ZC3H12B: variants seen among roughly 807,000 people sequenced by gnomAD.
ZC3H12B encodes the protein zinc finger CCCH-type containing 12B.
In ZC3H12B, 7 loss-of-function variants were observed where a neutral mutation model predicts 43.9. That is an observed-to-expected ratio of 0.16 (90% CI 0.09 to 0.30). The LOEUF (loss-of-function observed/expected upper bound fraction) is 0.30, where lower values mean the gene tolerates loss of function less well. Ranked by LOEUF, ZC3H12B falls within the 10% of genes least tolerant of loss-of-function variation. ZC3H12B has a pLI of 1.00. For synonymous variants in ZC3H12B, 222 were observed against 241.7 expected (o/e 0.92, Z 0.76); for missense variants, 475 against 670.2 (o/e 0.71, Z 3.22).
the ZC3H12B span, among the ~76,000 whole-genome samples, chrX:65,326,512 A>G: frequency 9.1e-6 from 1 of 110,291 alleles, no homozygotes; most frequent in Non-Finnish European, 1.9e-5. Flanking sequence ...GGAATAGTAT[A>G]GGGTAGGGAC....
chrX:65,200,401 C>T, the ZC3H12B span, among the ~76,000 whole-genome samples: 25 of 93,766 alleles, frequency 2.7e-4, no homozygotes, highest in Non-Finnish European at 4.9e-4. Flanking sequence ...TGTAGGTTGT[C>T]TGTTCACTCT....
At chrX:65,056,496 T>A in the ZC3H12B span, among the ~76,000 whole-genome samples, 1 of 111,890 alleles carries the variant, frequency 8.9e-6, no homozygotes, top group African/African-American at 3.2e-5. Flanking sequence ...TGCTGAGGAA[T>A]GCTTTACTTC....
intron 3 of ZC3H12B, among the ~76,000 whole-genome samples, chrX:65,401,978 A>C (rs1171648957): frequency 9.0e-6 from 1 of 111,731 alleles, no homozygotes; most frequent in Non-Finnish European, 1.9e-5. Context: ...TATCAGCATG[A>C]CTATAGGAGG....
chrX:65,290,892 A>T, the ZC3H12B span, among the ~76,000 whole-genome samples: 15,567 of 110,398 alleles, frequency 0.14, 2,647 homozygotes, highest in African/African-American at 0.48. Context: ...GAAGTGTGTT[A>T]AAGGGTACAA....
At chrX:65,424,158 T>C (rs187923335) in intron 3 of ZC3H12B, among the ~76,000 whole-genome samples, 12 of 112,197 alleles carry the variant, frequency 1.1e-4, no homozygotes, top group Non-Finnish European at 2.1e-4. Context: ...TAACAGCCAT[T>C]CTGACTAATG....
At chrX:65,450,001 TG>T (rs1269622675) in intron 3 of ZC3H12B, among the ~76,000 whole-genome samples, 3 of 110,878 alleles carry the variant, frequency 2.7e-5, no homozygotes, top group African/African-American at 9.9e-5. Flanking sequence ...CAAAAGCTAT[TG>T]AAATAAAAAA....
chrX:65,253,489 C>T, the ZC3H12B span, among the ~76,000 whole-genome samples: 1 of 112,240 alleles, frequency 8.9e-6, no homozygotes, highest in Non-Finnish European at 1.9e-5. Flanking sequence ...GAACAACATC[C>T]GTGGTGAAGC....
chrX:65,069,815 G>T, the ZC3H12B span, among the ~76,000 whole-genome samples: 1 of 112,028 alleles, frequency 8.9e-6, no homozygotes, highest in Non-Finnish European at 1.9e-5. Context: ...GATCATGATG[G>T]ATTCGCTTTT....
the ZC3H12B span, among the ~76,000 whole-genome samples, chrX:65,096,730 A>G: frequency 8.9e-6 from 1 of 112,193 alleles, no homozygotes; most frequent in African/African-American, 3.2e-5. Context: ...CACAAGTGAG[A>G]CATTGAAGAG....
intron 2 of ZC3H12B, among the ~76,000 whole-genome samples, chrX:65,379,889 A>G (rs1278359154): frequency 8.9e-6 from 1 of 112,028 alleles, no homozygotes; most frequent in African/African-American, 3.2e-5. Flanking sequence ...AAATGAAGTG[A>G]GAAGGGAAAT....
At chrX:65,134,027 T>C in the ZC3H12B span, among the ~76,000 whole-genome samples, 3 of 110,831 alleles carry the variant, frequency 2.7e-5, no homozygotes, top group Admixed American at 9.6e-5. Flanking sequence ...TGCCAAGCAG[T>C]GTTGCAGAAG....
chrX:65,237,650 G>A, the ZC3H12B span, among the ~76,000 whole-genome samples: 1 of 110,299 alleles, frequency 9.1e-6, no homozygotes, highest in Middle Eastern at 4.2e-3. Context: ...CAGTTTTTAA[G>A]GGGAATGCAT....
the ZC3H12B span, among the ~76,000 whole-genome samples, chrX:65,145,372 A>G: frequency 9.1e-6 from 1 of 109,924 alleles, no homozygotes; most frequent in Non-Finnish European, 1.9e-5. Flanking sequence ...TATGTGTTAG[A>G]TGAGTCTCTT....
At chrX:65,411,681 A>G (rs1162191471) in intron 3 of ZC3H12B, among the ~76,000 whole-genome samples, 1 of 110,200 alleles carries the variant, frequency 9.1e-6, no homozygotes, top group African/African-American at 3.3e-5. Context: ...AGCCGAGTTC[A>G]TGCCTCTACT....
the ZC3H12B span, among the ~76,000 whole-genome samples, chrX:65,163,633 A>T: frequency 8.9e-6 from 1 of 111,911 alleles, no homozygotes; most frequent in East Asian, 2.9e-4. Flanking sequence ...AAAGCGCAGT[A>T]TTAGGGTGGG....
intron 2 of ZC3H12B, among the ~76,000 whole-genome samples, chrX:65,383,518 A>G (rs2066474872): frequency 8.9e-6 from 1 of 111,899 alleles, no homozygotes; most frequent in Admixed American, 9.5e-5. Context: ...AAACCTAGGC[A>G]TTACCATTCA....
the ZC3H12B span, among the ~76,000 whole-genome samples, chrX:65,317,366 C>A: frequency 9.0e-6 from 1 of 110,700 alleles, no homozygotes; most frequent in Non-Finnish European, 1.9e-5. Flanking sequence ...GGAAATTACA[C>A]AACCTACTCT....
At chrX:65,093,658 G>A in the ZC3H12B span, among the ~76,000 whole-genome samples, 9 of 111,609 alleles carry the variant, frequency 8.1e-5, no homozygotes, top group Non-Finnish European at 1.5e-4. Flanking sequence ...GCCTTTTTTT[G>A]GCTGATTTAT....
chrX:65,052,407 GTCT>G, the ZC3H12B span, among the ~76,000 whole-genome samples: 3 of 110,451 alleles, frequency 2.7e-5, no homozygotes, highest in African/African-American at 3.3e-5. Context: ...CAAATAGTAG[GTCT>G]TCTTCGTTCT....
Sources: allele counts gnomAD v4.1 joint callset (sites outside exome capture counted in the v4.1 genomes callset), GRCh38; gene constraint gnomAD v4.1.1; transcripts MANE v1.5; gene names NCBI Gene and HGNC (gene_info 2026-07-23, HGNC 2026-07-21).